TMC3: variants seen among roughly 807,000 people sequenced by gnomAD.
TMC3 encodes the protein transmembrane channel like 3.
Under a neutral mutation model 110.6 loss-of-function variants are expected in TMC3, and 98 were observed. That is an observed-to-expected ratio of 0.89 (90% confidence interval 0.75 to 1.05). The LOEUF (loss-of-function observed/expected upper bound fraction) is 1.05, where lower values mean the gene tolerates loss of function less well. TMC3 is among the 50% of genes least tolerant of loss of function. The pLI, the probability that TMC3 is intolerant of heterozygous loss-of-function variation, is 0.00. For synonymous variants in TMC3, 489 were observed against 513.1 expected, an observed-to-expected ratio of 0.95 and a Z score of 0.63; for missense variants, 1,319 against 1,373.2, an observed-to-expected ratio of 0.96 and a Z score of 0.62.
chr15:81,358,462 C>A lies in TMC3; in HGVS notation c.540G>T (p.Lys180Asn). Reference protein sequence around the residue: ...AGQPFGSTARKTIPKEQVSSA... With the variant: ...AGQPFGSTARNTIPKEQVSSA... ...ACGAAACCTGCTCCTTGGGGATGGT[C>A]TTCCTGGCTGTGCTTCCAAAGGGCT... is the stretch of plus-strand genomic sequence containing the variant. The change falls in exon 6 of 22, where the codon AAG becomes AAT. Residue 180 changes from lysine (K) to asparagine (N), a missense_variant. By Grantham distance (94) the Lys-to-Asn change is moderately conservative (BLOSUM62 0). Coordinates refer to ENST00000359440, the MANE Select transcript of TMC3 (RefSeq NM_001080532.3). 1 of 1,613,574 alleles carries A rather than the reference C, an allele frequency of 6.2e-7. No homozygotes were observed. Among genetic ancestry groups the A allele is most frequent in the Non-Finnish European group, 8.5e-7 (1 of 1,179,664 alleles).
intron 9 of TMC3, among the ~76,000 whole-genome samples, chr15:81,352,311 G>C (rs902187261): frequency 1.3e-5 from 2 of 152,164 alleles, no homozygotes; most frequent in Non-Finnish European, 2.9e-5. Flanking sequence ...GTCATGTGCC[G>C]CATAATGGCA....
intron 12 of TMC3, among the ~76,000 whole-genome samples, chr15:81,345,976 A>G (rs1893819381): frequency 6.6e-6 from 1 of 152,118 alleles, no homozygotes; most frequent in Non-Finnish European, 1.5e-5. Context: ...ACTGTTCCCC[A>G]TGAAATGATT....
intron 15 of TMC3, among the ~76,000 whole-genome samples, chr15:81,342,330 A>T (rs1266768369): frequency 6.6e-6 from 1 of 152,204 alleles, no homozygotes; most frequent in Non-Finnish European, 1.5e-5. Flanking sequence ...TCTAACAAGA[A>T]ATGTTCAGTT....
chr15:81,334,668 C>T lies in TMC3; in HGVS notation c.2459+52G>A, dbSNP rs1030394880. On this transcript the variant is annotated intron_variant, in intron 21 of 21. Coordinates refer to ENST00000359440, the MANE Select transcript of TMC3 (RefSeq NM_001080532.3). ...CTTGGCCTCCTGAAGCTGCAGAGGC[C>T]TTCAAATCTCTCACATTCCAGGTTT... 5 of 1,571,764 alleles carry T rather than the reference C, an allele frequency of 3.2e-6. No individual in the cohort carries two copies. In the Admixed American group the frequency reaches 5.4e-5, roughly 17 times the overall value.
Position 81,351,738 on chromosome 15 carries a change from G to T in TMC3, c.1039C>A (p.Leu347Met). 1 of 1,578,572 alleles carries T rather than the reference G, an allele frequency of 6.3e-7. No homozygotes were observed. The highest frequency in any genetic ancestry group is 8.6e-7 in the Non-Finnish European group (1 of 1,162,354). ...IYFVVDRSQK[L>M]EQSKKELTLW... ...GTCAGCTCCTTCTTCGACTGCTCCA[G>T]CTTCTGGGACCGGTCCACCACAAAG... is the stretch of plus-strand genomic sequence containing the variant. The change falls in exon 10 of 22, where the codon CTG becomes ATG. Residue 347 changes from leucine to methionine, a missense_variant. Leu to Met is a conservative substitution (Grantham distance 15). Coordinates refer to ENST00000359440, the MANE Select transcript of TMC3 (RefSeq NM_001080532.3).
In TMC3 at chr15:81,332,544, A is replaced by G. The variant is rs1452029557; in HGVS notation, c.3178T>C (p.Tyr1060His). 2 of 1,613,786 alleles carry G rather than the reference A, an allele frequency of 1.2e-6. No homozygotes were observed. Among genetic ancestry groups the G allele is most frequent in the Non-Finnish European group, 1.7e-6 (2 of 1,179,874 alleles). Residue 1060 changes from tyrosine to histidine, a missense_variant, in exon 22 of 22, where the codon TAC (tyrosine) becomes CAC (histidine). Transcript: ENST00000359440. ...SDQQNSSADQ[Y>H]LQVTHSQGRF... ...CCCTGGCTGTGGGTGACCTGCAGGT[A>G]CTGGTCAGCGCTGCTGTTCTGCTGG...
chr15:81,358,592 G>T, intron 5 of TMC3, 92 bp from the exon 6 acceptor site: 1 of 1,006,704 alleles, frequency 9.9e-7, no homozygotes, highest in Non-Finnish European at 1.5e-6. Context: ...TTGTGAAAAT[G>T]CCACACATAA....
rs138821973 is a variant in TMC3 at position 81,339,857 on chromosome 15, A to G, written c.1845-353T>C. On this transcript the variant is annotated intron_variant, in intron 16 of 21. Transcript: ENST00000359440. The stretch of plus-strand genomic sequence containing the variant: ...AAAATCTTAGAAGCATTGCCCATCC[A>G]TCTGGGTCCTTACCTAATGGTTCCC... Among the ~76,000 whole-genome samples the G allele has an allele frequency of 8.6e-4, 131 of 152,344 alleles. 1 individual carries two copies. Among genetic ancestry groups the G allele is most frequent in the African/African-American group, 3.1e-3 (128 of 41,574 alleles).
At position 81,367,800 on chromosome 15, in the gene TMC3, A is replaced by G. The variant is rs568492075; in HGVS notation, c.312+453T>C. On this transcript the variant is annotated intron_variant, in intron 3 of 21. Coordinates refer to ENST00000359440, the MANE Select transcript of TMC3 (RefSeq NM_001080532.3). ...CAGGAAATTCATACTTTTCAACTCTATCATCCTGATCTACAGCTGTATTAT... is the reference window on the plus strand; with the variant it reads ...CAGGAAATTCATACTTTTCAACTCTGTCATCCTGATCTACAGCTGTATTAT... Among the ~76,000 whole-genome samples the G allele has an allele frequency of 1.2e-3, 187 of 152,302 alleles. 1 individual carries two copies. The highest frequency in any genetic ancestry group is 4.2e-3 in the African/African-American group (176 of 41,560).
chr15:81,362,135 G>A (rs987103351), intron 4 of TMC3, 85 bp downstream of exon 4: 2 of 1,250,138 alleles, frequency 1.6e-6, no homozygotes, highest in African/African-American at 1.5e-5. Context: ...ACAGCATAAG[G>A]ACCAGAACAC....
intron 20 of TMC3, among the ~76,000 whole-genome samples, chr15:81,335,177 G>A (rs1893566619): frequency 6.6e-6 from 1 of 152,244 alleles, no homozygotes; most frequent in African/African-American, 2.4e-5. Context: ...AGCTGGGAGT[G>A]TAGGAGGAAT....
chr15:81,335,036 ATGAGT>A, intron 20 of TMC3, 61 bp from the exon 21 acceptor site: 9 of 1,580,232 alleles, frequency 5.7e-6, no homozygotes, highest in Non-Finnish European at 7.8e-6. Context: ...ACAACTTCAG[ATGAGT>A]TGAGTTGCAA....
chr15:81,360,778 C>T (rs1894170991), intron 4 of TMC3, among the ~76,000 whole-genome samples: 1 of 152,076 alleles, frequency 6.6e-6, no homozygotes, highest in South Asian at 2.1e-4. Flanking sequence ...TGCCTCTAGA[C>T]TCTAGGTGGT....
chr15:81,338,645 T>C lies in TMC3; in HGVS notation c.2081+10A>G. 6.2e-7 allele frequency: 1 copy of C among 1,613,700 alleles called. No individual in the cohort carries two copies. ...GAAGTCCCTCCAAAGCTGGCAGGTGTGGTACTCACAAAAGCAGGAGTACTG... is the reference window on the plus strand; with the variant it reads ...GAAGTCCCTCCAAAGCTGGCAGGTGCGGTACTCACAAAAGCAGGAGTACTG... On this transcript the variant is annotated intron_variant, in intron 18 of 21. Coordinates refer to ENST00000359440, the MANE Select transcript of TMC3 (RefSeq NM_001080532.3).
At chr15:81,343,204 A>C in intron 15 of TMC3, 74 bp downstream of exon 15, 2 of 931,034 alleles carry the variant, frequency 2.1e-6, no homozygotes, top group Middle Eastern at 2.3e-4. Flanking sequence ...GTCGTGTCCC[A>C]TCTAGACTAA....
At chr15:81,360,209 TGA>T (rs1250499937) in intron 4 of TMC3, among the ~76,000 whole-genome samples, 1 of 152,158 alleles carries the variant, frequency 6.6e-6, no homozygotes, top group Non-Finnish European at 1.5e-5. Context: ...ACCCATTCTG[TGA>T]TCACTAAATT....
chr15:81,341,243 G>T, intron 16 of TMC3, 147 bp downstream of exon 16: 1 of 716,782 alleles, frequency 1.4e-6, no homozygotes, highest in South Asian at 2.8e-5. Context: ...AATGGCTCTT[G>T]GAGGAGACAA....
At position 81,332,366 on chromosome 15, in the gene TMC3, G is replaced by A; in HGVS notation, c.*53C>T. On this transcript the variant is annotated 3_prime_UTR_variant, in exon 22 of 22. Coordinates refer to ENST00000359440, the MANE Select transcript of TMC3 (RefSeq NM_001080532.3). ...CCAGAAAGGGAGATGCCATGTGCTG[G>A]CCCAGCACTCCAACAGGGGCCTGAC... 3 of 1,531,414 alleles carry A rather than the reference G, an allele frequency of 2.0e-6. No individual in the cohort carries two copies. Among genetic ancestry groups the A allele is most frequent in the Non-Finnish European group, 1.8e-6 (2 of 1,137,340 alleles). The allele number at this position is 1,531,414 out of a possible 1,614,324, so 94.9% of individuals were successfully genotyped here.
intron 14 of TMC3, 57 bp downstream of exon 14, chr15:81,343,860 G>A: frequency 6.3e-7 from 1 of 1,579,540 alleles, no homozygotes; most frequent in East Asian, 2.3e-5. Flanking sequence ...GCCACAACAT[G>A]AGAAAGGATG....
Sources: gnomAD v4.1 joint callset for allele counts (sites outside exome capture counted in the v4.1 genomes callset) on GRCh38, gnomAD v4.1.1 for gene constraint, MANE v1.5 for transcripts, NCBI Gene and HGNC (gene_info 2026-07-23, HGNC 2026-07-21) for gene names.